The following LMBR1 variants were observed in gnomAD, a reference collection of about 807,000 sequenced individuals.
LMBR1 encodes limb development membrane protein 1.
A neutral mutation model predicts 73.9 loss-of-function variants in LMBR1; 52 were observed. The observed-to-expected ratio is 0.70, with a 90% CI of 0.56 to 0.89. LMBR1 has a LOEUF of 0.89. Among genes scored for constraint, LMBR1 ranks in the 40% least tolerant of loss-of-function variants. The pLI is 0.00. For missense variants in LMBR1, 539 were observed against 579.8 expected (o/e 0.93, Z 0.72); for synonymous variants, 215 against 209.4 (o/e 1.03, Z -0.23).
At chr7:156,765,322 C>A (rs1254991414) in intron 5 of LMBR1, among the ~76,000 whole-genome samples, 1 of 152,136 alleles carries the variant, frequency 6.6e-6, no homozygotes, top group Non-Finnish European at 1.5e-5. Context: ...TGAGTGAGTT[C>A]TCATGAGATC....
chr7:156,843,699 G>A (rs890259184), intron 1 of LMBR1, among the ~76,000 whole-genome samples: 4 of 151,656 alleles, frequency 2.6e-5, no homozygotes, highest in African/African-American at 4.9e-5. Context: ...AGCCAGGTGT[G>A]GTGGCACACG....
intron 5 of LMBR1, among the ~76,000 whole-genome samples, chr7:156,789,591 C>T (rs983851368): frequency 6.6e-6 from 1 of 152,088 alleles, no homozygotes; most frequent in Non-Finnish European, 1.5e-5. Flanking sequence ...GATCAAAGAT[C>T]AACATTGTGA....
intron 16 of LMBR1, among the ~76,000 whole-genome samples, chr7:156,686,124 G>A (rs1805957251): frequency 6.6e-6 from 1 of 152,156 alleles, no homozygotes; most frequent in South Asian, 2.1e-4. Flanking sequence ...GATCACTGCG[G>A]TACCCACTGA....
intron 9 of LMBR1, among the ~76,000 whole-genome samples, chr7:156,746,838 T>C (rs2132664971): frequency 6.6e-6 from 1 of 152,276 alleles, no homozygotes; most frequent in South Asian, 2.1e-4. Context: ...TATGTGGATT[T>C]AAGTTATACC....
intron 1 of LMBR1, among the ~76,000 whole-genome samples, chr7:156,863,100 T>C (rs1328022585): frequency 1.3e-5 from 2 of 152,048 alleles, no homozygotes; most frequent in African/African-American, 4.8e-5. Flanking sequence ...ACAGAACTAA[T>C]AGAAGATATA....
intron 4 of LMBR1, among the ~76,000 whole-genome samples, chr7:156,808,361 G>C (rs1832511484): frequency 6.6e-6 from 1 of 152,064 alleles, no homozygotes; most frequent in African/African-American, 2.4e-5. Context: ...TTTATGACTG[G>C]TAATATTCTT....
rs189231720 is a variant in LMBR1, at chr7:156,833,395, T to A, written c.179+358A>T. ...CATGTTCCTGCTCACAGCAGGCAGG[T>A]TCAGCTAACCAGAGGAGATGTCCGC... On this transcript the variant is annotated intron_variant, in intron 3 of 16. Transcript: ENST00000353442. The A allele has an allele frequency of 2.5e-3, 540 of 212,100 alleles. 2 individuals carry two copies. Among genetic ancestry groups the A allele is most frequent in the African/African-American group, 0.012 (520 of 42,426 alleles). The allele number at this position is 212,100 out of a possible 1,614,324, so 13.1% of individuals were successfully genotyped here. A position where few individuals can be genotyped will look rare whatever the true frequency, so the allele number is the denominator to read the frequency against.
chr7:156,803,290 C>G (rs1009394449), intron 4 of LMBR1, among the ~76,000 whole-genome samples: 34 of 151,068 alleles, frequency 2.3e-4, no homozygotes, highest in African/African-American at 8.0e-4. Context: ...ACAATGAACT[C>G]AAACAAATTT....
chr7:156,882,185 T>C (rs1801194225), intron 1 of LMBR1, among the ~76,000 whole-genome samples: 1 of 152,252 alleles, frequency 6.6e-6, no homozygotes, highest in Admixed American at 6.5e-5. Context: ...CTCATGCCTA[T>C]AATCCCAGCA....
At chr7:156,708,185 G>A (rs975764319) in intron 15 of LMBR1, among the ~76,000 whole-genome samples, 3 of 152,156 alleles carry the variant, frequency 2.0e-5, no homozygotes, top group African/African-American at 7.2e-5. Context: ...ACAGTGCGCG[G>A]AGACTCACAC....
At chr7:156,833,321 T>C (rs1837010301) in intron 3 of LMBR1, among the ~76,000 whole-genome samples, 1 of 152,204 alleles carries the variant, frequency 6.6e-6, no homozygotes, top group Non-Finnish European at 1.5e-5. Context: ...AGGACCTCCC[T>C]ATCATATCTC....
At chr7:156,752,524 C>T (rs1821096718) in intron 9 of LMBR1, among the ~76,000 whole-genome samples, 1 of 152,124 alleles carries the variant, frequency 6.6e-6, no homozygotes, top group Admixed American at 6.5e-5. Flanking sequence ...TGGCATTAGC[C>T]AGGCACACAG....
At position 156,725,821 on chromosome 7, in the gene LMBR1, T is replaced by C; in HGVS notation, c.1010A>G (p.Asn337Ser). Residue 337 changes from asparagine to serine, a missense_variant, in exon 13 of 17, where the codon AAT becomes AGT. Physicochemically the swap from Asn to Ser is conservative, Grantham distance 46 (BLOSUM62 1). Transcript: ENST00000353442. ...PKGTRGPGIG[N>S]ASLSTFGFVG... ...AAAACCAAACGTAGAAAGAGAGGCA[T>C]TTCCTATTCCAGGCCCCTGGGGTGG... is the stretch of plus-strand genomic sequence containing the variant. 3 of 1,613,554 alleles carry C rather than the reference T, an allele frequency of 1.9e-6. No homozygotes were observed. Among genetic ancestry groups the C allele is most frequent in the South Asian group, 2.2e-5 (2 of 90,994 alleles).
At chr7:156,721,633 T>C (rs1406698801) in intron 15 of LMBR1, among the ~76,000 whole-genome samples, 1 of 152,106 alleles carries the variant, frequency 6.6e-6, no homozygotes, top group Non-Finnish European at 1.5e-5. Context: ...TTGAAAAATA[T>C]ATTCATTTAC....
chr7:156,813,778 A>G (rs1585975239), intron 4 of LMBR1, among the ~76,000 whole-genome samples: 1 of 152,198 alleles, frequency 6.6e-6, no homozygotes, highest in East Asian at 1.9e-4. Flanking sequence ...ATAATTGCAA[A>G]GCCTCACTTT....
At chr7:156,776,315 C>T (rs1031651491) in intron 5 of LMBR1, among the ~76,000 whole-genome samples, 3 of 151,994 alleles carry the variant, frequency 2.0e-5, no homozygotes, top group Non-Finnish European at 2.9e-5. Flanking sequence ...ACTTTGTTCC[C>T]GACCATCTAC....
At chr7:156,752,754 T>C (rs928243087) in intron 9 of LMBR1, among the ~76,000 whole-genome samples, 2 of 152,038 alleles carry the variant, frequency 1.3e-5, no homozygotes, top group African/African-American at 2.4e-5. Flanking sequence ...ATTTAGGATA[T>C]TGGTCACATA....
intron 4 of LMBR1, among the ~76,000 whole-genome samples, chr7:156,671,322 C>G (rs1311365719): frequency 1.3e-5 from 2 of 152,084 alleles, no homozygotes; most frequent in Non-Finnish European, 2.9e-5. Flanking sequence ...CCTGAAAACG[C>G]GAACAGTGTG....
chr7:156,856,305 AT>A lies in LMBR1; in HGVS notation c.67-19421del, dbSNP rs928693359. 1.6e-3 allele frequency among the ~76,000 whole-genome samples: 236 copies of A among 152,200 alleles called. 2 individuals carry two copies. The highest frequency in any genetic ancestry group is 2.6e-4 in the Non-Finnish European group (18 of 68,010). ...TTGCCAATAGACTTAATTAGCAAGA[AT>A]TTTTTTTCTTTTTTTGTTTTTACTG... On this transcript the variant is annotated intron_variant, in intron 1 of 16. Transcript: ENST00000353442.
Sources: allele counts gnomAD v4.1 joint callset (sites outside exome capture counted in the v4.1 genomes callset), GRCh38; gene constraint gnomAD v4.1.1; transcripts MANE v1.5; gene names NCBI Gene and HGNC (gene_info 2026-07-23, HGNC 2026-07-21).